The following PLCB1 variants were observed in gnomAD, a reference collection of about 807,000 sequenced individuals.
PLCB1 encodes the protein phospholipase C beta 1.
In PLCB1, 46 loss-of-function variants were observed where a neutral mutation model predicts 161.8. The ratio of observed to expected loss-of-function variants is 0.28; its 90% CI spans 0.22 to 0.36. The LOEUF is 0.36. PLCB1 is among the 10% of genes least tolerant of loss of function. The pLI is 1.00. For synonymous variants in PLCB1, 517 were observed against 503.7 expected (o/e 1.03, Z -0.35); for missense variants, 1,016 against 1,472.5 (o/e 0.69, Z 5.07).
intron 31 of PLCB1, among the ~76,000 whole-genome samples, chr20:8,854,005 T>A (rs1033721267): frequency 2.0e-5 from 3 of 152,126 alleles, no homozygotes; most frequent in Admixed American, 2.0e-4. Flanking sequence ...TTGCCAGATC[T>A]GCAGTCAAAA....
intron 3 of PLCB1, among the ~76,000 whole-genome samples, chr20:8,528,386 T>TA (rs912800117): frequency 3.9e-5 from 6 of 152,010 alleles, no homozygotes; most frequent in African/African-American, 1.4e-4. Context: ...TGAATAGATC[T>TA]AAAAAAAGTT....
At chr20:8,270,778 A>G (rs1322054565) in intron 2 of PLCB1, among the ~76,000 whole-genome samples, 1 of 152,076 alleles carries the variant, frequency 6.6e-6, no homozygotes, top group Admixed American at 6.6e-5. Flanking sequence ...CTACTTTTTG[A>G]AAGTGAATAC....
At chr20:8,352,441 T>C (rs1688233056) in intron 2 of PLCB1, among the ~76,000 whole-genome samples, 1 of 152,100 alleles carries the variant, frequency 6.6e-6, no homozygotes, top group Non-Finnish European at 1.5e-5. Flanking sequence ...CATTTATTAA[T>C]ATACTGTGTA....
At chr20:8,299,831 C>G (rs549657872) in intron 2 of PLCB1, among the ~76,000 whole-genome samples, 1 of 152,168 alleles carries the variant, frequency 6.6e-6, no homozygotes. Context: ...AATCCACCCA[C>G]TTCTCTCCAT....
chr20:8,413,918 A>G (rs1433675565), intron 3 of PLCB1, among the ~76,000 whole-genome samples: 1 of 152,194 alleles, frequency 6.6e-6, no homozygotes, highest in Non-Finnish European at 1.5e-5. Flanking sequence ...CAATCAAGCA[A>G]TTCATGCTGT....
At chr20:8,337,831 A>G (rs895256114) in intron 2 of PLCB1, among the ~76,000 whole-genome samples, 23 of 152,152 alleles carry the variant, frequency 1.5e-4, no homozygotes, top group African/African-American at 5.5e-4. Context: ...TATGTTTAAG[A>G]TTTAGTATTC....
At chr20:8,320,822 GGAGGGAGA>G (rs1373857647) in intron 2 of PLCB1, among the ~76,000 whole-genome samples, 4 of 143,092 alleles carry the variant, frequency 2.8e-5, no homozygotes, top group Admixed American at 2.7e-4. Context: ...AGAAAGGGAG[GGAGGGAGA>G]GAGGGAGGGA....
intron 26 of PLCB1, among the ~76,000 whole-genome samples, chr20:8,770,951 C>T (rs930566028): frequency 6.6e-6 from 1 of 152,080 alleles, no homozygotes; most frequent in Non-Finnish European, 1.5e-5. Flanking sequence ...TCATATCCTG[C>T]AAACTTCCAG....
intron 2 of PLCB1, among the ~76,000 whole-genome samples, chr20:8,347,135 A>C (rs1322941475): frequency 6.6e-6 from 1 of 152,224 alleles, no homozygotes. Context: ...GTATAAAGCT[A>C]TAAACAGAAA....
intron 31 of PLCB1, among the ~76,000 whole-genome samples, chr20:8,800,001 T>G (rs148333360): frequency 2.6e-5 from 4 of 152,154 alleles, no homozygotes; most frequent in Non-Finnish European, 5.9e-5. Flanking sequence ...CCAAAAGTGG[T>G]TGAATCCACA....
chr20:8,646,967 A>G (rs1989186131), intron 5 of PLCB1, among the ~76,000 whole-genome samples: 1 of 152,160 alleles, frequency 6.6e-6, no homozygotes, highest in African/African-American at 2.4e-5. Flanking sequence ...TTCTTATGTA[A>G]GACATACCCA....
chr20:8,467,355 C>G (rs542765900), intron 3 of PLCB1, among the ~76,000 whole-genome samples: 1 of 152,260 alleles, frequency 6.6e-6, no homozygotes, highest in African/African-American at 2.4e-5. Context: ...ATGAATTTGA[C>G]TTATAAATCC....
intron 31 of PLCB1, among the ~76,000 whole-genome samples, chr20:8,845,824 AT>A (rs1986671928): frequency 6.6e-6 from 1 of 152,248 alleles, no homozygotes; most frequent in African/African-American, 2.4e-5. Context: ...TAATTCACAT[AT>A]TTAATGCATT....
chr20:8,828,971 A>G (rs1985849105), intron 31 of PLCB1, among the ~76,000 whole-genome samples: 1 of 152,286 alleles, frequency 6.6e-6, no homozygotes, highest in Non-Finnish European at 1.5e-5. Context: ...CATATAATAA[A>G]GTATTCTTAT....
At chr20:8,533,400 A>C (rs1217916457) in intron 3 of PLCB1, among the ~76,000 whole-genome samples, 1 of 151,610 alleles carries the variant, frequency 6.6e-6, no homozygotes, top group Non-Finnish European at 1.5e-5. Context: ...GGCTGGGTCA[A>C]ATGGTATTTC....
intron 11 of PLCB1, among the ~76,000 whole-genome samples, chr20:8,706,000 A>G (rs1473689112): frequency 6.6e-6 from 1 of 152,250 alleles, no homozygotes; most frequent in Non-Finnish European, 1.5e-5. Flanking sequence ...AGCAATAAAA[A>G]GACTGTCAGT....
At chr20:8,232,139 C>T (rs77875952) in intron 2 of PLCB1, among the ~76,000 whole-genome samples, 249 of 152,010 alleles carry the variant, frequency 1.6e-3, no homozygotes, top group Non-Finnish European at 2.8e-3. Flanking sequence ...CCCAGGAGTT[C>T]AAGGCTGTAG....
intron 10 of PLCB1, among the ~76,000 whole-genome samples, chr20:8,690,774 T>C (rs1188358984): frequency 6.6e-6 from 1 of 152,190 alleles, no homozygotes; most frequent in Non-Finnish European, 1.5e-5. Context: ...AAAGGGACTG[T>C]TATCATCTTT....
chr20:8,217,892 C>T (rs1179693689), intron 2 of PLCB1, among the ~76,000 whole-genome samples: 2 of 152,124 alleles, frequency 1.3e-5, no homozygotes, highest in Non-Finnish European at 2.9e-5. Flanking sequence ...TTTTGCCCTT[C>T]CACCTTCCAT....
Sources: allele counts gnomAD v4.1 joint callset (sites outside exome capture counted in the v4.1 genomes callset), GRCh38; gene constraint gnomAD v4.1.1; transcripts MANE v1.5; gene names NCBI Gene and HGNC (gene_info 2026-07-23, HGNC 2026-07-21).